DPP8: variants seen among roughly 807,000 people sequenced by gnomAD.
DPP8 encodes DPP VIII.
In DPP8, 31 loss-of-function variants were observed where a neutral mutation model predicts 107.5. The ratio of observed to expected loss-of-function variants is 0.29; its 90% CI spans 0.22 to 0.39. The LOEUF (loss-of-function observed/expected upper bound fraction) is 0.39, where lower values mean the gene tolerates loss of function less well. DPP8 is among the 10% of genes least tolerant of loss of function. The pLI, the probability that DPP8 is intolerant of heterozygous loss-of-function variation, is 1.00. For synonymous variants in DPP8, 381 were observed against 356.6 expected, an observed-to-expected ratio of 1.07 and a Z score of -0.77; for missense variants, 842 against 1,076.1, an observed-to-expected ratio of 0.78 and a Z score of 3.04.
chr15:65,477,575 A>G (rs1447781947), intron 11 of DPP8, among the ~76,000 whole-genome samples: 2 of 144,266 alleles, frequency 1.4e-5, no homozygotes, highest in African/African-American at 2.6e-5. Context: ...TGTTGCCCAC[A>G]CTGGAGTGCA....
At chr15:65,502,304 GAAAAAA>G (rs11320643) in intron 3 of DPP8, among the ~76,000 whole-genome samples, 3 of 147,220 alleles carry the variant, frequency 2.0e-5, no homozygotes, top group Admixed American at 6.8e-5. Context: ...TTGCTAAATG[GAAAAAA>G]AAAAAAAACT....
At chr15:65,504,934 C>T (rs1156859860) in intron 3 of DPP8, among the ~76,000 whole-genome samples, 2 of 151,676 alleles carry the variant, frequency 1.3e-5, no homozygotes, top group Non-Finnish European at 2.9e-5. Flanking sequence ...GAGCTGTGAT[C>T]ACACACCACT....
chr15:65,475,524 T>G, intron 11 of DPP8: 1 of 1,401,140 alleles, frequency 7.1e-7, no homozygotes, highest in East Asian at 2.4e-5. Flanking sequence ...ATAAAGGCAT[T>G]AAAACCAGCC....
Position 65,442,488 on chromosome 15 carries a change from T to C in DPP8, c.*4396A>G, listed in dbSNP as rs1453704020. 2.0e-5 allele frequency: 3 copies of C among 152,226 alleles called. No homozygotes were observed. The highest frequency in any genetic ancestry group is 7.2e-5 in the African/African-American group (3 of 41,460). 9.4% of individuals were successfully genotyped at this position (152,226 alleles called of 1,614,324 possible). ...TCAATTAATTTCAGCAGCATCTTTA[T>C]TGCAACAAAGAACCTGTAATAAAAT... On this transcript the variant is annotated 3_prime_UTR_variant, in exon 20 of 20. Transcript: ENST00000300141.
intron 5 of DPP8, among the ~76,000 whole-genome samples, 199 bp from the exon 6 acceptor site, chr15:65,490,498 T>C (rs2067918919): frequency 6.6e-6 from 1 of 152,156 alleles, no homozygotes; most frequent in Admixed American, 6.6e-5. Context: ...AGTATCCCAT[T>C]TGTAAATGAG....
intron 2 of DPP8, among the ~76,000 whole-genome samples, chr15:65,508,734 C>G (rs1305402953): frequency 6.6e-6 from 1 of 151,968 alleles, no homozygotes; most frequent in African/African-American, 2.4e-5. Context: ...TGCCTGTAAT[C>G]CCAGCTACTC....
intron 1 of DPP8, chr15:65,515,638 A>C (rs1461540295): frequency 6.2e-7 from 1 of 1,611,562 alleles, no homozygotes; most frequent in African/African-American, 1.3e-5. Context: ...TCACTTAAGT[A>C]GTTTCCCTGG....
intron 13 of DPP8, 107 bp downstream of exon 13, chr15:65,466,964 T>G: frequency 6.8e-7 from 1 of 1,468,166 alleles, no homozygotes. Context: ...AAGCTTTTCC[T>G]TAGAGAATTA....
intron 2 of DPP8, among the ~76,000 whole-genome samples, chr15:65,509,038 C>T (rs540191283): frequency 7.2e-5 from 11 of 152,274 alleles, no homozygotes; most frequent in Admixed American, 5.9e-4. Flanking sequence ...CTAACCCTTG[C>T]AAATGTTGAG....
At chr15:65,448,903 T>A in intron 19 of DPP8, among the ~76,000 whole-genome samples, 1 of 86,260 alleles carries the variant, frequency 1.2e-5, no homozygotes, top group Non-Finnish European at 2.4e-5. Flanking sequence ...TATATATATA[T>A]ATATATATAT....
chr15:65,450,533 G>T (rs570535933), intron 19 of DPP8, among the ~76,000 whole-genome samples: 1 of 152,238 alleles, frequency 6.6e-6, no homozygotes, highest in South Asian at 2.1e-4. Context: ...AAGAAAAACT[G>T]GAATAAGGAG....
chr15:65,494,147 T>C (rs1056767216), intron 5 of DPP8, among the ~76,000 whole-genome samples: 1 of 70,514 alleles, frequency 1.4e-5, no homozygotes, highest in Non-Finnish European at 2.8e-5. Context: ...CGGTTCTATA[T>C]CCTTTTTTTT....
At chr15:65,475,975 C>A (rs1283318169) in intron 11 of DPP8, among the ~76,000 whole-genome samples, 1 of 152,162 alleles carries the variant, frequency 6.6e-6, no homozygotes, top group Non-Finnish European at 1.5e-5. Flanking sequence ...CTAGTCTCAA[C>A]TCCTGGACTC....
At position 65,478,890 on chromosome 15, in the gene DPP8, C is replaced by G; in HGVS notation, c.1446G>C (p.Leu482=). ...AAATGGATTTCTTACTTGGAGCAGG[C>G]AGCCCACCACTGGATCGTTTATATT... The part of the protein sequence containing the change: ...ESKYKRSSGG[L]PAPSDFKCPI... The change falls in exon 11 of 20, where the codon CTG becomes CTC. Residue 482 remains leucine (L), a synonymous_variant. Transcript: ENST00000300141. 6.4e-7 allele frequency: 1 copy of G among 1,560,466 alleles called. No homozygotes were observed. The highest frequency in any genetic ancestry group is 8.6e-7 in the Non-Finnish European group (1 of 1,160,998).
chr15:65,456,108 A>ACT (rs5813354), intron 16 of DPP8, 117 bp downstream of exon 16: 532,565 of 1,140,066 alleles, frequency 0.47, 135,021 homozygotes, highest in African/African-American at 0.84. Flanking sequence ...TAACACATAC[A>ACT]CTCTCACTCA....
chr15:65,474,052 C>T (rs1341529615), intron 12 of DPP8, among the ~76,000 whole-genome samples, 157 bp downstream of exon 12: 1 of 151,930 alleles, frequency 6.6e-6, no homozygotes, highest in Admixed American at 6.6e-5. Flanking sequence ...TGTAGTGAGC[C>T]GAGATCACCC....
At chr15:65,481,151 G>A (rs1415079329) in intron 9 of DPP8, among the ~76,000 whole-genome samples, 1 of 151,734 alleles carries the variant, frequency 6.6e-6, no homozygotes, top group South Asian at 2.1e-4. Context: ...AACTCCTGTT[G>A]TCTACATTAG....
At chr15:65,478,621 A>G (rs2066620447) in intron 11 of DPP8, among the ~76,000 whole-genome samples, 1 of 152,240 alleles carries the variant, frequency 6.6e-6, no homozygotes, top group East Asian at 1.9e-4. Flanking sequence ...TCAAGGCAAA[A>G]GTAAAAAGTA....
At chr15:65,449,008 G>A (rs1042442449) in intron 19 of DPP8, among the ~76,000 whole-genome samples, 4 of 140,776 alleles carry the variant, frequency 2.8e-5, no homozygotes, top group Non-Finnish European at 6.1e-5. Flanking sequence ...AGCAGTTGGA[G>A]ACCAGCCTAG....
Sources: gnomAD v4.1 joint callset for allele counts (sites outside exome capture counted in the v4.1 genomes callset) on GRCh38, gnomAD v4.1.1 for gene constraint, MANE v1.5 for transcripts, NCBI Gene and HGNC (gene_info 2026-07-23, HGNC 2026-07-21) for gene names.